The following ATXN7L1 variants were observed in gnomAD, a reference collection of about 807,000 sequenced individuals.
The protein encoded by ATXN7L1 is ataxin-7-like protein 1.
In ATXN7L1, 15 loss-of-function variants were observed where a neutral mutation model predicts 70.8. That is an observed-to-expected ratio of 0.21 (90% CI 0.14 to 0.33). The LOEUF (loss-of-function observed/expected upper bound fraction) is 0.33. ATXN7L1 is among the 10% of genes least tolerant of loss of function. The pLI, the probability that ATXN7L1 is intolerant of heterozygous loss-of-function variation, is 1.00. For synonymous variants in ATXN7L1, 440 were observed against 445.1 expected, an observed-to-expected ratio of 0.99 and a Z score of 0.14; for missense variants, 975 against 1,097.1, an observed-to-expected ratio of 0.89 and a Z score of 1.57.
chr7:105,728,271 G>T, intron 3 of ATXN7L1, among the ~76,000 whole-genome samples: 1 of 152,186 alleles, frequency 6.6e-6, no homozygotes, highest in Middle Eastern at 3.2e-3. Flanking sequence ...AAAGGCAAAA[G>T]TGAATATAAG....
At chr7:105,784,547 ACAGCATGG>A (rs1327470236) in intron 3 of ATXN7L1, among the ~76,000 whole-genome samples, 8 of 152,146 alleles carry the variant, frequency 5.3e-5, no homozygotes, top group Admixed American at 3.3e-4. Flanking sequence ...GGCACACATG[ACAGCATGG>A]CAGGAGGGGA....
Position 105,614,965 on chromosome 7 carries a change from C to G in ATXN7L1, c.1518-149G>C. ...ATGGAGCCTTGAAGGATGGGAGAAT[C>G]TGAAGCATGGCCCCTCCTTATGGCA... On this transcript the variant is annotated intron_variant, in intron 9 of 11. Coordinates refer to ENST00000419735, the MANE Select transcript of ATXN7L1 (RefSeq NM_020725.2). The surrounding 1 kb of genome is among the most constrained non-coding windows in gnomAD (Gnocchi z 4.3). The G allele has an allele frequency of 1.0e-6, 1 of 955,424 alleles. No individual in the cohort carries two copies. The highest frequency in any genetic ancestry group is 1.7e-5 in the African/African-American group (1 of 60,590). The allele number at this position is 955,424 out of a possible 1,614,324, so 59.2% of individuals were successfully genotyped here.
intron 3 of ATXN7L1, among the ~76,000 whole-genome samples, chr7:105,742,110 A>G (rs543883): frequency 0.24 from 36,895 of 152,182 alleles, 5,845 homozygotes; most frequent in East Asian, 0.46. Flanking sequence ...CAAAGGACAC[A>G]TTGTCACGAA....
In ATXN7L1 at chr7:105,642,318, C is replaced by T. The variant is rs182898293; in HGVS notation, c.862+520G>A. ...GAATTCCAACCTGATTATGGGGGAT[C>T]GACAGTTGTAAACTCAACTGCAGAA... On this transcript the variant is annotated intron_variant, in intron 5 of 11. Transcript: ENST00000419735. 7.9e-4 allele frequency among the ~76,000 whole-genome samples: 120 copies of T among 152,270 alleles called. 2 individuals carry two copies. Among genetic ancestry groups the T allele is most frequent in the African/African-American group, 2.6e-3 (108 of 41,554 alleles).
intron 3 of ATXN7L1, among the ~76,000 whole-genome samples, chr7:105,696,748 G>A (rs1377431365): frequency 2.0e-5 from 3 of 152,234 alleles, no homozygotes; most frequent in South Asian, 2.1e-4. Context: ...AAGGGAGTTT[G>A]GAAAATGCTG....
chr7:105,682,667 A>G (rs984778471), intron 3 of ATXN7L1, among the ~76,000 whole-genome samples: 2 of 152,268 alleles, frequency 1.3e-5, no homozygotes, highest in African/African-American at 4.8e-5. Flanking sequence ...GGTAAATGAA[A>G]GAAGCCAGAC....
In ATXN7L1 at chr7:105,876,453, C is replaced by T. The variant is rs1034798972; in HGVS notation, c.106G>A (p.Val36Met). The T allele has an allele frequency of 6.2e-7, 1 of 1,613,904 alleles. No homozygotes were observed. Among genetic ancestry groups the T allele is most frequent in the Admixed American group, 1.7e-5 (1 of 60,002 alleles). ...GRAMATLDRK[V>M]PSPEAFLGKP... Reference sequence around the variant, plus strand: ...CCCAGAAACGCCTCCGGACTGGGCACTTTGCGATCCAGTGTCGCCATTGCT... The same window carrying T: ...CCCAGAAACGCCTCCGGACTGGGCATTTTGCGATCCAGTGTCGCCATTGCT... Residue 36 changes from valine to methionine, a missense_variant, in exon 1 of 12, where the codon GTG becomes ATG. Val to Met is a conservative substitution (Grantham distance 21). Coordinates refer to ENST00000419735, the MANE Select transcript of ATXN7L1 (RefSeq NM_020725.2).
chr7:105,771,201 G>GATAATAATAATA (rs67884616), intron 3 of ATXN7L1, among the ~76,000 whole-genome samples: 6,710 of 139,150 alleles, frequency 0.048, 217 homozygotes, highest in East Asian at 0.19. Flanking sequence ...CTCCGTCTCT[G>GATAATAATAATA]ATAATAATAA....
intron 3 of ATXN7L1, among the ~76,000 whole-genome samples, chr7:105,728,510 A>G (rs928664851): frequency 2.0e-5 from 3 of 152,216 alleles, no homozygotes; most frequent in African/African-American, 7.2e-5. Flanking sequence ...AGATGATTAC[A>G]TATAGAAATA....
chr7:105,713,569 C>A (rs1169936208), intron 3 of ATXN7L1, among the ~76,000 whole-genome samples: 1 of 152,202 alleles, frequency 6.6e-6, no homozygotes, highest in Admixed American at 6.5e-5. Context: ...AAATAAAAAG[C>A]TGCAGGGAAA....
intron 3 of ATXN7L1, among the ~76,000 whole-genome samples, chr7:105,697,663 A>G (rs1181235077): frequency 1.3e-5 from 2 of 152,260 alleles, no homozygotes; most frequent in African/African-American, 4.8e-5. Flanking sequence ...AGGCATAGGA[A>G]ATCACAAGGG....
At chr7:105,612,196 T>C (rs552578780) in intron 10 of ATXN7L1, among the ~76,000 whole-genome samples, 5 of 152,340 alleles carry the variant, frequency 3.3e-5, no homozygotes, top group Admixed American at 3.3e-4. Flanking sequence ...GTTTAAATCC[T>C]AGCCTAACTA....
At chr7:105,714,472 G>C (rs1794291525) in intron 3 of ATXN7L1, among the ~76,000 whole-genome samples, 1 of 152,096 alleles carries the variant, frequency 6.6e-6, no homozygotes, top group South Asian at 2.1e-4. Context: ...CCCAGGCCAG[G>C]CCAACAATAA....
chr7:105,633,847 C>G (rs1034965626), intron 7 of ATXN7L1, among the ~76,000 whole-genome samples: 1 of 152,122 alleles, frequency 6.6e-6, no homozygotes, highest in African/African-American at 2.4e-5. Flanking sequence ...GGGGAGTATG[C>G]TGAGTGTGGA....
At chr7:105,646,766 T>G (rs1799095127) in intron 4 of ATXN7L1, among the ~76,000 whole-genome samples, 1 of 88,068 alleles carries the variant, frequency 1.1e-5, no homozygotes, top group Non-Finnish European at 2.1e-5. Context: ...AGACCATGTC[T>G]CTACAAAAAA....
intron 3 of ATXN7L1, among the ~76,000 whole-genome samples, chr7:105,694,179 C>G (rs1449534614): frequency 1.3e-5 from 2 of 152,028 alleles, no homozygotes; most frequent in Non-Finnish European, 2.9e-5. Flanking sequence ...TCCCCAGTAT[C>G]TGGGTCTACA....
Position 105,832,853 on chromosome 7 carries a change from C to T in ATXN7L1, c.250+42959G>A, listed in dbSNP as rs190514271. Among the ~76,000 whole-genome samples, 11 of 152,314 alleles carry T rather than the reference C, an allele frequency of 7.2e-5. No individual in the cohort carries two copies. In the East Asian group the frequency reaches 9.6e-4, roughly 13 times the overall value. On this transcript the variant is annotated intron_variant, in intron 2 of 11. Transcript: ENST00000419735. Reference sequence around the variant, plus strand: ...TCCTTGACGCCTCTCTTGCCCACATCCCACCTTTAATCCTTCAGGAAGTAG... The same window carrying T: ...TCCTTGACGCCTCTCTTGCCCACATTCCACCTTTAATCCTTCAGGAAGTAG...
chr7:105,857,396 T>C (rs2116646539), intron 2 of ATXN7L1, among the ~76,000 whole-genome samples: 1 of 152,354 alleles, frequency 6.6e-6, no homozygotes. Context: ...TCCCAGGTGC[T>C]GCAAGTGAGT....
chr7:105,834,381 T>C (rs1037494026), intron 2 of ATXN7L1, among the ~76,000 whole-genome samples: 5 of 152,210 alleles, frequency 3.3e-5, no homozygotes, highest in Non-Finnish European at 7.3e-5. Flanking sequence ...CCCAGCTGTA[T>C]AGTATGCCAC....
Sources: allele counts gnomAD v4.1 joint callset (sites outside exome capture counted in the v4.1 genomes callset), GRCh38; gene constraint gnomAD v4.1.1; non-coding constraint Gnocchi (gnomAD v3.1); transcripts MANE v1.5; gene names NCBI Gene and HGNC (gene_info 2026-07-23, HGNC 2026-07-21).